MAPK10: variants seen among roughly 807,000 people sequenced by gnomAD.
MAPK10 encodes JNK3 alpha protein kinase.
MAPK10 carries 25 observed loss-of-function variants against 59.3 expected under a neutral mutation model. That is an observed-to-expected ratio of 0.42 (90% CI 0.31 to 0.59). The LOEUF (loss-of-function observed/expected upper bound fraction) is 0.59. Ranked by LOEUF, MAPK10 falls within the 20% of genes least tolerant of loss-of-function variation. MAPK10 has a pLI of 0.15. For missense variants in MAPK10, 351 were observed against 568.9 expected, an observed-to-expected ratio of 0.62 and a Z score of 3.90; for synonymous variants, 190 against 200.5, an observed-to-expected ratio of 0.95 and a Z score of 0.44.
intron 3 of MAPK10, among the ~76,000 whole-genome samples, chr4:86,163,491 G>A (rs1178276589): frequency 1.3e-5 from 2 of 152,046 alleles, no homozygotes; most frequent in African/African-American, 4.8e-5. Flanking sequence ...AGTGTTTCCT[G>A]AGTTCAAGTC....
chr4:86,351,206 C>G (rs925407703), intron 2 of MAPK10, among the ~76,000 whole-genome samples: 1 of 151,786 alleles, frequency 6.6e-6, no homozygotes, highest in Non-Finnish European at 1.5e-5. Flanking sequence ...CCTACAATAC[C>G]TGGACTTTAT....
intron 2 of MAPK10, among the ~76,000 whole-genome samples, chr4:86,334,633 AC>A (rs1369853880): frequency 6.6e-6 from 1 of 151,860 alleles, no homozygotes; most frequent in Non-Finnish European, 1.5e-5. Context: ...TCAGCCTGGA[AC>A]TTTTTTCCAC....
intron 2 of MAPK10, among the ~76,000 whole-genome samples, chr4:86,244,338 A>G (rs1232872105): frequency 6.6e-6 from 1 of 152,246 alleles, no homozygotes; most frequent in Non-Finnish European, 1.5e-5. Context: ...TATTAATAAC[A>G]TGAAACCAAA....
intron 2 of MAPK10, among the ~76,000 whole-genome samples, chr4:86,336,854 G>A (rs558386825): frequency 1.0e-4 from 14 of 134,774 alleles, no homozygotes; most frequent in Non-Finnish European, 1.7e-4. Context: ...GCAGTGGTGC[G>A]ATCTCAGCTC....
chr4:86,466,707 G>C (rs965567137), intron 1 of MAPK10, among the ~76,000 whole-genome samples: 1 of 152,110 alleles, frequency 6.6e-6, no homozygotes, highest in African/African-American at 2.4e-5. Flanking sequence ...TTTGGTTAGG[G>C]AATTATTTCT....
intron 1 of MAPK10, among the ~76,000 whole-genome samples, chr4:86,535,779 G>C (rs1758196683): frequency 6.6e-6 from 1 of 152,244 alleles, no homozygotes; most frequent in African/African-American, 2.4e-5. Context: ...TGAAAAACAA[G>C]CTGAGCCAAA....
intron 1 of MAPK10, among the ~76,000 whole-genome samples, chr4:86,499,368 C>T (rs577868521): frequency 6.6e-6 from 1 of 152,310 alleles, no homozygotes; most frequent in African/African-American, 2.4e-5. Flanking sequence ...GGAACCTTGA[C>T]TTCAGTGCAT....
At chr4:86,267,436 G>A (rs2094289024) in intron 2 of MAPK10, among the ~76,000 whole-genome samples, 1 of 152,142 alleles carries the variant, frequency 6.6e-6, no homozygotes, top group Admixed American at 6.5e-5. Flanking sequence ...CCACTTGGAG[G>A]TCTAGAAATA....
chr4:86,282,402 C>T (rs1217501422), intron 2 of MAPK10, among the ~76,000 whole-genome samples: 4 of 152,132 alleles, frequency 2.6e-5, no homozygotes, highest in South Asian at 2.1e-4. Flanking sequence ...TTAATTCATC[C>T]TATTGTAATT....
At chr4:86,501,864 T>C (rs1461912241) in intron 1 of MAPK10, among the ~76,000 whole-genome samples, 1 of 152,086 alleles carries the variant, frequency 6.6e-6, no homozygotes, top group Non-Finnish European at 1.5e-5. Context: ...ATTTGAGAAC[T>C]TGTGGTTTAG....
At chr4:86,385,869 C>T (rs1741385884) in intron 1 of MAPK10, among the ~76,000 whole-genome samples, 1 of 152,146 alleles carries the variant, frequency 6.6e-6, no homozygotes. Flanking sequence ...TAAACAAAGA[C>T]TATGACTAGC....
chr4:86,498,048 CT>C (rs1445211011), intron 1 of MAPK10, among the ~76,000 whole-genome samples: 1 of 152,182 alleles, frequency 6.6e-6, no homozygotes, highest in Non-Finnish European at 1.5e-5. Flanking sequence ...CCTTTCTGCC[CT>C]TTCTCTCAGG....
chr4:86,207,298 T>C (rs1156875314), intron 2 of MAPK10, among the ~76,000 whole-genome samples: 2 of 151,868 alleles, frequency 1.3e-5, no homozygotes, highest in East Asian at 3.9e-4. Flanking sequence ...ATTTATTCAA[T>C]AGGGAATCCT....
At chr4:86,158,457 G>A (rs1026478125) in intron 4 of MAPK10, among the ~76,000 whole-genome samples, 2 of 151,456 alleles carry the variant, frequency 1.3e-5, no homozygotes, top group Non-Finnish European at 2.9e-5. Flanking sequence ...TGGACATTAT[G>A]AATGTAGCAG....
intron 1 of MAPK10, among the ~76,000 whole-genome samples, chr4:86,469,824 GA>G (rs1397646816): frequency 6.6e-6 from 1 of 152,178 alleles, no homozygotes; most frequent in African/African-American, 2.4e-5. Context: ...ATCCATTTGA[GA>G]GATTTTTTTA....
At position 86,206,245 on chromosome 4, in the gene MAPK10, T is replaced by C. The variant is rs191671958; in HGVS notation, c.-6-11838A>G. On this transcript the variant is annotated intron_variant, in intron 2 of 13. Transcript: ENST00000641462. The stretch of plus-strand genomic sequence containing the variant: ...AGAGTGTGATGTTCCCCTTCCTGTG[T>C]CCGTGTGTTCGCATTGTTCAATTCC... Among the ~76,000 whole-genome samples, 477 of 151,682 alleles carry C rather than the reference T, an allele frequency of 3.1e-3. 2 individuals are homozygous for C. Among genetic ancestry groups the C allele is most frequent in the African/African-American group, 0.011 (463 of 41,262 alleles).
At chr4:86,157,718 T>C (rs998097996) in intron 4 of MAPK10, among the ~76,000 whole-genome samples, 6 of 151,866 alleles carry the variant, frequency 4.0e-5, no homozygotes, top group African/African-American at 9.7e-5. Context: ...AAAGGAGAAA[T>C]AGAGGCCCAA....
chr4:86,541,173 A>T (rs796567697), intron 1 of MAPK10, among the ~76,000 whole-genome samples: 73 of 152,244 alleles, frequency 4.8e-4, no homozygotes, highest in African/African-American at 1.6e-3. Flanking sequence ...ACAATGCGAC[A>T]GCTGGCTTAT....
intron 2 of MAPK10, among the ~76,000 whole-genome samples, chr4:86,232,063 T>C (rs1010532693): frequency 1.3e-5 from 2 of 152,264 alleles, no homozygotes; most frequent in Non-Finnish European, 2.9e-5. Context: ...TTTTAGACTT[T>C]GAAAGCCATG....
Sources: allele counts gnomAD v4.1 joint callset (sites outside exome capture counted in the v4.1 genomes callset), GRCh38; gene constraint gnomAD v4.1.1; transcripts MANE v1.5; gene names NCBI Gene and HGNC (gene_info 2026-07-23, HGNC 2026-07-21).